MRPL4: variants seen among roughly 807,000 people sequenced by gnomAD.
MRPL4 encodes large ribosomal subunit protein uL4m.
Under a neutral mutation model 34.1 loss-of-function variants are expected in MRPL4, and 34 were observed. That is an observed-to-expected ratio of 1.00 (90% CI 0.76 to 1.33). The LOEUF (loss-of-function observed/expected upper bound fraction) is 1.33, where lower values mean the gene tolerates loss of function less well. MRPL4 is among the 40% of genes most tolerant of loss of function. The pLI, the probability that MRPL4 is intolerant of heterozygous loss-of-function variation, is 0.00. For synonymous variants in MRPL4, 196 were observed against 188.3 expected, an observed-to-expected ratio of 1.04 and a Z score of -0.33; for missense variants, 402 against 434.6, an observed-to-expected ratio of 0.92 and a Z score of 0.67.
rs367557796 is a variant in MRPL4, at chr19:10,258,481, G to T, written c.621G>T (p.Ala207=). ...ACCCACAGTACCTGACAGAGCTGGCGCACTACCGCCGCTGGGGGGACTCCG... is the reference window on the plus strand; with the variant it reads ...ACCCACAGTACCTGACAGAGCTGGCTCACTACCGCCGCTGGGGGGACTCCG... ...TGDPQYLTEL[A]HYRRWGDSVL... is the part of the protein sequence containing the mutation. The change falls in exon 7 of 9, where the codon GCG becomes GCT. Residue 207 remains alanine (A), a synonymous_variant. Coordinates refer to ENST00000253099, the MANE Select transcript of MRPL4 (RefSeq NM_015956.3). 9 of 1,614,082 alleles carry T rather than the reference G, an allele frequency of 5.6e-6. No individual in the cohort carries two copies. Among genetic ancestry groups the T allele is most frequent in the Non-Finnish European group, 7.6e-6 (9 of 1,180,012 alleles).
Position 10,252,703 on chromosome 19 carries a change from T to C in MRPL4, c.275+2T>C, listed in dbSNP as rs976156075. 1.2e-6 allele frequency: 2 copies of C among 1,600,734 alleles called. No homozygotes were observed. The highest frequency in any genetic ancestry group is 1.7e-6 in the Non-Finnish European group (2 of 1,179,306). On this transcript the variant is annotated splice_donor_variant, in intron 3 of 8. Transcript: ENST00000253099. LOFTEE classifies it high-confidence loss of function. Reference sequence around the variant, plus strand: ...CGATGTTTTCGCCACCGCGCCCAGGTGAGCGAGGGCTGTAATGGTGAACTG... The same window carrying C: ...CGATGTTTTCGCCACCGCGCCCAGGCGAGCGAGGGCTGTAATGGTGAACTG...
chr19:10,257,480 C>T (rs1434135324), intron 5 of MRPL4, among the ~76,000 whole-genome samples: 3 of 152,062 alleles, frequency 2.0e-5, no homozygotes, highest in Admixed American at 2.0e-4. Context: ...CCCGGAGCTA[C>T]CCTGATTTCT....
At chr19:10,254,831 G>GATGGAC (rs757350086) in intron 4 of MRPL4, 191 bp downstream of exon 4, 28 of 466,606 alleles carry the variant, frequency 6.0e-5, no homozygotes, top group Admixed American at 1.5e-4. Context: ...TGGAGATGGA[G>GATGGAC]TCTCACTCTG....
chr19:10,254,234 G>A (rs1394501004), intron 3 of MRPL4, among the ~76,000 whole-genome samples: 1 of 152,196 alleles, frequency 6.6e-6, no homozygotes, highest in African/African-American at 2.4e-5. Flanking sequence ...GCCCAGGCTG[G>A]TCTTACTCCT....
rs545764567 is a variant in MRPL4 at position 10,254,546 on chromosome 19, T to C, written c.276-43T>C. On this transcript the variant is annotated intron_variant, in intron 3 of 8. Transcript: ENST00000253099. ...TTTTCCTATAGTGGGGTGGGAGCGT[T>C]TGAAGCAGAGTTGGGCTTCTCATGT... 7.5e-6 allele frequency: 12 copies of C among 1,609,758 alleles called. No homozygotes were observed. The African/African-American group carries it at 1.6e-4, about 21-fold the overall frequency.
intron 3 of MRPL4, among the ~76,000 whole-genome samples, chr19:10,253,273 G>A (rs2039814094): frequency 6.6e-6 from 1 of 150,614 alleles, no homozygotes; most frequent in South Asian, 2.1e-4. Flanking sequence ...TCAGGAGATC[G>A]AGACCATCCT....
intron 4 of MRPL4, chr19:10,255,317 C>G (rs1328312470): frequency 2.0e-5 from 3 of 152,722 alleles, no homozygotes; most frequent in Non-Finnish European, 4.4e-5. Context: ...ACCCCTTCCC[C>G]CACAACCCCA....
Position 10,256,743 on chromosome 19 carries a change from G to A in MRPL4, c.363G>A (p.Arg121=), listed in dbSNP as rs755721208. ...AGACCAAGACGAGAGCCGAGGTGCG[G>A]GGCGGTGGCCGGAAGCCTTGGCCGC... is the stretch of plus-strand genomic sequence containing the variant. The part of the protein sequence containing the change: ...YAKTKTRAEV[R]GGGRKPWPQK... The change falls in exon 5 of 9, where the codon CGG becomes CGA. Residue 121 remains arginine (R), a synonymous_variant. Transcript: ENST00000253099. 16 of 1,604,890 alleles carry A rather than the reference G, an allele frequency of 1.0e-5. No homozygotes were observed. The highest frequency in any genetic ancestry group is 2.3e-5 in the East Asian group (1 of 43,288).
chr19:10,258,088 T>G, intron 5 of MRPL4, 134 bp from the exon 6 acceptor site: 1 of 635,520 alleles, frequency 1.6e-6, no homozygotes. Context: ...CAGCCTCCCC[T>G]GAGGCCCCAC....
At chr19:10,258,546 G>T (rs367942603) in intron 7 of MRPL4, 24 bp downstream of exon 7, 223 of 1,613,996 alleles carry the variant, frequency 1.4e-4, no homozygotes, top group Non-Finnish European at 1.8e-4. Flanking sequence ...GCAGAGCAGG[G>T]GCAGGGGGCC....
At chr19:10,252,732 GGCAGAGGGATGAA>G (rs1377760767) in intron 3 of MRPL4, 31 bp downstream of exon 3, 1 of 1,586,848 alleles carries the variant, frequency 6.3e-7, no homozygotes, top group Non-Finnish European at 8.5e-7. Context: ...TGAACTGAGT[GGCAGAGGGATGAA>G]GAGCGGGATT....
chr19:10,252,158 GC>G (rs2039795439), upstream of MRPL4: 2 of 1,401,044 alleles, frequency 1.4e-6, no homozygotes, highest in Non-Finnish European at 1.9e-6. Flanking sequence ...CGGAGTCGCG[GC>G]GGGTAGGGCG....
intron 3 of MRPL4, among the ~76,000 whole-genome samples, chr19:10,253,320 CA>C (rs569300605): frequency 2.0e-5 from 3 of 149,760 alleles, no homozygotes; most frequent in Non-Finnish European, 3.0e-5. Flanking sequence ...ACTAAAAATA[CA>C]AAAAAAAATT....
At chr19:10,258,167 T>C (rs1272600479) in intron 5 of MRPL4, 55 bp from the exon 6 acceptor site, 20 of 1,286,840 alleles carry the variant, frequency 1.6e-5, no homozygotes, top group Non-Finnish European at 2.1e-5. Flanking sequence ...AGCAGATTGC[T>C]GACCTCCAGG....
intron 3 of MRPL4, among the ~76,000 whole-genome samples, chr19:10,254,218 CA>C (rs376755564): frequency 2.8e-4 from 43 of 152,290 alleles, no homozygotes; most frequent in African/African-American, 1.0e-3. Flanking sequence ...ATCACTTTGC[CA>C]TGTTGCCCAG....
chr19:10,259,098 CAAAAAAAAA>C (rs35481360), intron 8 of MRPL4: 110 of 539,720 alleles, frequency 2.0e-4, no homozygotes, highest in African/African-American at 9.7e-4. Context: ...ACTCTTGTCT[CAAAAAAAAA>C]AAAAAAAAAA....
At chr19:10,258,944 AAAT>A in intron 8 of MRPL4, 1 of 1,423,710 alleles carries the variant, frequency 7.0e-7, no homozygotes, top group Non-Finnish European at 9.2e-7. Flanking sequence ...TCTGTACTAA[AAAT>A]AAAAAAGTTA....
Position 10,252,544 on chromosome 19 carries a change from G to A in MRPL4, c.125-7G>A, listed in dbSNP as rs1424579122. 6 of 1,612,752 alleles carry A rather than the reference G, an allele frequency of 3.7e-6. No individual in the cohort carries two copies. The highest frequency in any genetic ancestry group is 5.1e-6 in the Non-Finnish European group (6 of 1,179,310). ...ACCCTAACCTCTGACCCCCGCAATC[G>A]CTCCAGGTCTCCCGGAGCCCGTGCT... On this transcript the variant is annotated splice_region_variant and splice_polypyrimidine_tract_variant and intron_variant, in intron 2 of 8. Transcript: ENST00000253099.
Position 10,253,486 on chromosome 19 carries a change from AAAG to A in MRPL4, c.275+788_275+790del, listed in dbSNP as rs1461113695. 1.5e-4 allele frequency among the ~76,000 whole-genome samples: 22 copies of A among 148,534 alleles called. No homozygotes were observed. The East Asian group carries it at 1.6e-3, about 11-fold the overall frequency. ...ACTCTGTCTCAAAAAAAAAAAAAAA[AAAG>A]AAAGAAAAGAAAATGTAGGGGCCAG... On this transcript the variant is annotated intron_variant, in intron 3 of 8. Transcript: ENST00000253099.
Sources: gnomAD v4.1 joint callset for allele counts (sites outside exome capture counted in the v4.1 genomes callset) on GRCh38, gnomAD v4.1.1 for gene constraint, MANE v1.5 for transcripts, NCBI Gene and HGNC (gene_info 2026-07-23, HGNC 2026-07-21) for gene names.